Variants in VWA3B observed in about 807,000 individuals in gnomAD.
The protein encoded by VWA3B is von Willebrand factor A domain-containing protein 3B.
In VWA3B, 138 loss-of-function variants were observed where a neutral mutation model predicts 158.3. That is an observed-to-expected ratio of 0.87 (90% CI 0.76 to 1.00). The LOEUF (loss-of-function observed/expected upper bound fraction) is 1.00. VWA3B is among the 50% of genes least tolerant of loss of function. The pLI is 0.00. For missense variants in VWA3B, 1,555 were observed against 1,565.1 expected (o/e 0.99, Z 0.11); for synonymous variants, 596 against 587.3 (o/e 1.01, Z -0.21).
At chr2:98,144,759 G>A (rs375404996) in intron 7 of VWA3B, among the ~76,000 whole-genome samples, 9 of 152,140 alleles carry the variant, frequency 5.9e-5, no homozygotes, top group African/African-American at 2.2e-4. Flanking sequence ...TAGAGACGGG[G>A]TTTTGCCATG....
chr2:98,317,071 T>G (rs1410547987), downstream of VWA3B, among the ~76,000 whole-genome samples: 1 of 152,204 alleles, frequency 6.6e-6, no homozygotes, highest in Non-Finnish European at 1.5e-5. Context: ...CTGTAAATAG[T>G]GAGCATGGAC....
intron 12 of VWA3B, chr2:98,207,310 G>C: frequency 2.0e-6 from 1 of 489,000 alleles, no homozygotes; most frequent in Non-Finnish European, 4.1e-6. Context: ...TGCTGTCACT[G>C]AGCTGGGCAT....
intron 7 of VWA3B, among the ~76,000 whole-genome samples, chr2:98,139,807 T>C (rs1203046551): frequency 6.6e-6 from 1 of 152,112 alleles, no homozygotes; most frequent in Non-Finnish European, 1.5e-5. Context: ...GATAAGAGAA[T>C]AAAAGCAGGC....
chr2:98,239,943 C>T (rs1342180398), intron 19 of VWA3B, among the ~76,000 whole-genome samples: 4 of 151,444 alleles, frequency 2.6e-5, no homozygotes, highest in Non-Finnish European at 5.9e-5. Context: ...GTGAAACAGA[C>T]CTGAAAGCAA....
rs562533056 is a variant in VWA3B at position 98,202,822 on chromosome 2, T to C, written c.1737+8330T>C. On this transcript the variant is annotated intron_variant, in intron 12 of 27. Transcript: ENST00000477737. Reference sequence around the variant, plus strand: ...ATAAGGTGTGAGATCTAGGTTGAGGTTTATTTATTTATTTATTTATTTATT... The same window carrying C: ...ATAAGGTGTGAGATCTAGGTTGAGGCTTATTTATTTATTTATTTATTTATT... Among the ~76,000 whole-genome samples, 3 of 137,476 alleles carry C rather than the reference T, an allele frequency of 2.2e-5. No homozygotes were observed. The East Asian group carries it at 5.9e-4, about 27-fold the overall frequency. The allele number at this position is 137,476 out of a possible 152,430, so 90.2% of individuals were successfully genotyped here. A position where few individuals can be genotyped will look rare whatever the true frequency, so the allele number is the denominator to read the frequency against.
chr2:98,161,841 G>A (rs1396393406), intron 7 of VWA3B, among the ~76,000 whole-genome samples: 1 of 152,086 alleles, frequency 6.6e-6, no homozygotes, highest in East Asian at 1.9e-4. Context: ...TGAGTAGCTG[G>A]GATTACAGGC....
At chr2:98,311,485 C>T (rs1429251286) in intron 26 of VWA3B, among the ~76,000 whole-genome samples, 1 of 152,202 alleles carries the variant, frequency 6.6e-6, no homozygotes, top group Non-Finnish European at 1.5e-5. Flanking sequence ...TGGGGCCAAG[C>T]TCATCTCCCT....
intron 8 of VWA3B, among the ~76,000 whole-genome samples, chr2:98,171,442 GGAA>G (rs1003984199): frequency 6.6e-6 from 1 of 152,168 alleles, no homozygotes; most frequent in African/African-American, 2.4e-5. Flanking sequence ...GTGTATGCCA[GGAA>G]GAAGAATAGC....
At chr2:98,204,445 G>A (rs1682843253) in intron 12 of VWA3B, among the ~76,000 whole-genome samples, 1 of 152,152 alleles carries the variant, frequency 6.6e-6, no homozygotes, top group African/African-American at 2.4e-5. Flanking sequence ...TATTCCTAAT[G>A]TACTGAATTT....
intron 2 of VWA3B, among the ~76,000 whole-genome samples, chr2:98,102,234 T>C (rs1215983652): frequency 1.3e-5 from 2 of 152,264 alleles, no homozygotes; most frequent in Non-Finnish European, 2.9e-5. Flanking sequence ...AGAATTTTTC[T>C]TAATACAGAA....
chr2:98,109,719 CT>C (rs902602174), intron 2 of VWA3B, among the ~76,000 whole-genome samples: 2 of 150,992 alleles, frequency 1.3e-5, no homozygotes, highest in African/African-American at 4.9e-5. Flanking sequence ...GTTTCTTTGT[CT>C]GAGAATGTCT....
At chr2:98,300,027 A>G in intron 24 of VWA3B, 52 bp from the exon 25 acceptor site, 1 of 1,608,674 alleles carries the variant, frequency 6.2e-7, no homozygotes, top group South Asian at 1.1e-5. Flanking sequence ...TTATGTTAAC[A>G]TTGTCTGTAC....
intron 12 of VWA3B, among the ~76,000 whole-genome samples, chr2:98,198,051 A>G (rs144796393): frequency 6.7e-4 from 102 of 151,848 alleles, no homozygotes; most frequent in Non-Finnish European, 1.4e-3. Flanking sequence ...GTATATTTCT[A>G]TAGCTACTCC....
chr2:98,260,312 G>A (rs995986473), intron 21 of VWA3B, among the ~76,000 whole-genome samples: 2 of 151,406 alleles, frequency 1.3e-5, no homozygotes, highest in Non-Finnish European at 3.0e-5. Context: ...TCTAAAGTGA[G>A]GCGTTGAAGT....
chr2:98,090,098 G>C (rs1026943267), intron 1 of VWA3B, among the ~76,000 whole-genome samples: 11 of 152,298 alleles, frequency 7.2e-5, no homozygotes, highest in Admixed American at 3.3e-4. Context: ...TTTCAGGGAA[G>C]AGAAAAATTA....
At chr2:98,106,004 CT>C (rs1673618547) in intron 2 of VWA3B, among the ~76,000 whole-genome samples, 3 of 152,092 alleles carry the variant, frequency 2.0e-5, no homozygotes, top group Non-Finnish European at 4.4e-5. Context: ...CAAGATCCGC[CT>C]CCCAGGTTCA....
intron 2 of VWA3B, among the ~76,000 whole-genome samples, chr2:98,102,092 C>T (rs1683118390): frequency 6.6e-6 from 1 of 151,790 alleles, no homozygotes; most frequent in African/African-American, 2.4e-5. Context: ...AGCATGCTGC[C>T]TTCAAGCATC....
the VWA3B span, among the ~76,000 whole-genome samples, chr2:98,318,765 C>A: frequency 7.2e-5 from 11 of 152,132 alleles, no homozygotes; most frequent in Non-Finnish European, 1.6e-4. Flanking sequence ...CAAGGAAAGG[C>A]AAATGGACTA....
At chr2:98,235,299 C>CAT (rs758210314) in intron 17 of VWA3B, among the ~76,000 whole-genome samples, 3 of 152,176 alleles carry the variant, frequency 2.0e-5, no homozygotes, top group East Asian at 1.9e-4. Flanking sequence ...TAAACACACA[C>CAT]ATATACACAC....
Sources: gnomAD v4.1 joint callset for allele counts (sites outside exome capture counted in the v4.1 genomes callset) on GRCh38, gnomAD v4.1.1 for gene constraint, MANE v1.5 for transcripts, NCBI Gene and HGNC (gene_info 2026-07-23, HGNC 2026-07-21) for gene names.